The following BIN1 variants were observed in gnomAD, a reference collection of about 807,000 sequenced individuals.
BIN1 encodes the protein myc box-dependent-interacting protein 1.
A neutral mutation model predicts 82.0 loss-of-function variants in BIN1; 53 were observed. The observed-to-expected ratio is 0.65, with a 90% CI of 0.52 to 0.81. The LOEUF is 0.81. Among genes scored for constraint, BIN1 ranks in the 40% least tolerant of loss-of-function variants. The pLI is 0.00. For missense variants in BIN1, 642 were observed against 784.4 expected, an observed-to-expected ratio of 0.82 and a Z score of 2.17; for synonymous variants, 302 against 328.0, an observed-to-expected ratio of 0.92 and a Z score of 0.86.
At chr2:127,053,466 GAGA>G in intron 13 of BIN1, 21 bp from the exon 14 acceptor site, 3 of 1,613,020 alleles carry the variant, frequency 1.9e-6, no homozygotes, top group Non-Finnish European at 2.5e-6. Context: ...CAGTGAGGGC[GAGA>G]AGGACAGTTA....
chr2:127,107,092 G>C lies in BIN1; in HGVS notation c.-149C>G, dbSNP rs912635441. On this transcript the variant is annotated 5_prime_UTR_variant, in exon 1 of 19. Transcript: ENST00000316724. The surrounding 1 kb of genome is among the most constrained non-coding windows in gnomAD (Gnocchi z 5.9). ...GACAGCGGAGCCAACTGACGGAGGCGGAGCGTGCGCCGGACGGGCGAGCGA... is the reference window on the plus strand; with the variant it reads ...GACAGCGGAGCCAACTGACGGAGGCCGAGCGTGCGCCGGACGGGCGAGCGA... 5 of 837,400 alleles carry C rather than the reference G, an allele frequency of 6.0e-6. No individual in the cohort carries two copies. In the East Asian group the frequency reaches 1.8e-4, roughly 30 times the overall value. 51.9% of individuals were successfully genotyped at this position (837,400 alleles called of 1,614,324 possible).
intron 1 of BIN1, among the ~76,000 whole-genome samples, chr2:127,083,211 G>A (rs951848781): frequency 1.3e-5 from 2 of 151,332 alleles, no homozygotes; most frequent in East Asian, 1.9e-4. Context: ...TCAGCGTCCC[G>A]AGTAGCTGGG....
At chr2:127,077,654 G>A (rs1163436823) in intron 1 of BIN1, among the ~76,000 whole-genome samples, 6 of 152,310 alleles carry the variant, frequency 3.9e-5, no homozygotes, top group South Asian at 2.1e-4. Flanking sequence ...GGCAAGGAGC[G>A]GTGGTGGGGC....
intron 18 of BIN1, 39 bp downstream of exon 18, chr2:127,050,382 T>C: frequency 1.2e-6 from 2 of 1,605,750 alleles, no homozygotes; most frequent in African/African-American, 1.3e-5. Context: ...AGGATGCCTG[T>C]GGTCCCCCTG....
chr2:127,106,733 C>T, intron 1 of BIN1, 127 bp downstream of exon 1: 3 of 1,229,544 alleles, frequency 2.4e-6, no homozygotes, highest in South Asian at 2.9e-5. Context: ...CGAAAGCGCT[C>T]CTCTAGAGGT....
chr2:127,057,913 C>A lies in BIN1; in HGVS notation c.1003-312G>T, dbSNP rs143611564. 6.6e-3 allele frequency among the ~76,000 whole-genome samples: 1,007 copies of A among 152,234 alleles called. 6 individuals carry two copies. Among genetic ancestry groups the A allele is most frequent in the Non-Finnish European group, 0.011 (774 of 68,008 alleles). ...GAAGAAGAGAAGAGGCCCCAGGCTGCCCACTGGCCAACTGTGGGAGGGGCT... is the reference window on the plus strand; with the variant it reads ...GAAGAAGAGAAGAGGCCCCAGGCTGACCACTGGCCAACTGTGGGAGGGGCT... On this transcript the variant is annotated intron_variant, in intron 11 of 18. Transcript: ENST00000316724. The surrounding 1 kb of genome is among the most constrained non-coding windows in gnomAD (Gnocchi z 5.0).
intron 11 of BIN1, 29 bp downstream of exon 11, chr2:127,058,982 G>A (rs1684073872): frequency 2.6e-6 from 4 of 1,552,940 alleles, no homozygotes; most frequent in South Asian, 1.2e-5. Flanking sequence ...GGGAGGGCAG[G>A]GGACCTGCTA....
At position 127,050,643 on chromosome 2, in the gene BIN1, G is replaced by A. The variant is rs553500292; in HGVS notation, c.1573-121C>T. The A allele has an allele frequency of 2.4e-5, 33 of 1,354,272 alleles. No homozygotes were observed. In the African/African-American group the frequency reaches 3.5e-4, roughly 14 times the overall value. The allele number at this position is 1,354,272 out of a possible 1,614,324, so 83.9% of individuals were successfully genotyped here. A position where few individuals can be genotyped will look rare whatever the true frequency, so the allele number is the denominator to read the frequency against. On this transcript the variant is annotated intron_variant, in intron 17 of 18. Coordinates refer to ENST00000316724, the MANE Select transcript of BIN1 (RefSeq NM_139343.3). ...TGGAGACCAGGAGTGCTCAAAAGCA[G>A]CAGGACAGTATGGGGCTCAGATGCC...
At chr2:127,053,845 A>T in intron 13 of BIN1, 60 bp downstream of exon 13, 1 of 1,496,360 alleles carries the variant, frequency 6.7e-7, no homozygotes, top group Non-Finnish European at 9.1e-7. Flanking sequence ...AGGCAACATG[A>T]GCCCAGGGTT....
At chr2:127,076,600 T>C in intron 2 of BIN1, 26 bp downstream of exon 2, 1 of 1,613,882 alleles carries the variant, frequency 6.2e-7, no homozygotes, top group Non-Finnish European at 8.5e-7. Context: ...ACAAACTCCC[T>C]AAGGCCAAGG....
intron 1 of BIN1, among the ~76,000 whole-genome samples, chr2:127,080,174 AC>A (rs1218026346): frequency 2.0e-5 from 3 of 152,168 alleles, no homozygotes; most frequent in Admixed American, 6.5e-5. Flanking sequence ...TGGTGTGGCT[AC>A]CACAGGGAAA....
intron 1 of BIN1, among the ~76,000 whole-genome samples, chr2:127,103,564 C>A (rs755232509): frequency 2.3e-4 from 35 of 152,210 alleles, no homozygotes; most frequent in Non-Finnish European, 4.3e-4. Context: ...GAGCCTTCCT[C>A]CTGTGCTCAC....
At position 127,059,001 on chromosome 2, in the gene BIN1, T is replaced by C; in HGVS notation, c.1002+10A>G. ...GGGCAGGGGACCTGCTACCAAGACA[T>C]CACTCCTACCTGAGATGGGGACTTG... is the stretch of plus-strand genomic sequence containing the variant. On this transcript the variant is annotated intron_variant, in intron 11 of 18. Transcript: ENST00000316724. The surrounding 1 kb of genome is among the most constrained non-coding windows in gnomAD (Gnocchi z 6.7). 1 of 1,555,126 alleles carries C rather than the reference T, an allele frequency of 6.4e-7. No homozygotes were observed. The highest frequency in any genetic ancestry group is 2.0e-5 in the Admixed American group (1 of 51,136).
At position 127,069,979 on chromosome 2, in the gene BIN1, C is replaced by T; in HGVS notation, c.411+16G>A. 6.2e-7 allele frequency: 1 copy of T among 1,613,474 alleles called. No individual in the cohort carries two copies. On this transcript the variant is annotated intron_variant, in intron 5 of 18. Coordinates refer to ENST00000316724, the MANE Select transcript of BIN1 (RefSeq NM_139343.3). ...TCCAGGCCAGAGCAGGGCAGATCTG[C>T]AAGTGGGTCTCTCACCTTGATGTCG... is the stretch of plus-strand genomic sequence containing the variant.
chr2:127,094,405 T>G (rs903578863), intron 1 of BIN1, among the ~76,000 whole-genome samples: 1 of 152,178 alleles, frequency 6.6e-6, no homozygotes, highest in Non-Finnish European at 1.5e-5. Context: ...AGCCTCCCCC[T>G]TCAGGATTGA....
Position 127,069,069 on chromosome 2 carries a change from C to T in BIN1, c.412-38G>A, listed in dbSNP as rs768588741. ...GAGGAGGGCACTAAGCGGGGCCTGG[C>T]ACCCCTGCTGAGACTCCAGGTCCAG... On this transcript the variant is annotated intron_variant, in intron 5 of 18. Coordinates refer to ENST00000316724, the MANE Select transcript of BIN1 (RefSeq NM_139343.3). The T allele has an allele frequency of 1.9e-6, 3 of 1,593,300 alleles. No individual in the cohort carries two copies. The Admixed American group carries it at 5.0e-5, about 27-fold the overall frequency.
chr2:127,084,981 C>T (rs74915682), intron 1 of BIN1, among the ~76,000 whole-genome samples: 3 of 152,190 alleles, frequency 2.0e-5, no homozygotes, highest in African/African-American at 7.2e-5. Context: ...CAGTGCTTAA[C>T]CCAGAAGCTA....
rs1335240555 is a variant in BIN1 at position 127,093,892 on chromosome 2, C to T, written c.84+12968G>A. On this transcript the variant is annotated intron_variant, in intron 1 of 18. Coordinates refer to ENST00000316724, the MANE Select transcript of BIN1 (RefSeq NM_139343.3). The surrounding 1 kb of genome is among the most constrained non-coding windows in gnomAD (Gnocchi z 5.7). Reference sequence around the variant, plus strand: ...TGGATCCTGAGCTAGGCCTGGACTCCCTGGACTCCTCCAGTGCTGGGGGCC... The same window carrying T: ...TGGATCCTGAGCTAGGCCTGGACTCTCTGGACTCCTCCAGTGCTGGGGGCC... Among the ~76,000 whole-genome samples, 1 of 152,202 alleles carries T rather than the reference C, an allele frequency of 6.6e-6. No individual in the cohort carries two copies. The highest frequency in any genetic ancestry group is 1.5e-5 in the Non-Finnish European group (1 of 68,042).
chr2:127,083,979 G>A (rs923038769), intron 1 of BIN1, among the ~76,000 whole-genome samples: 12 of 152,232 alleles, frequency 7.9e-5, no homozygotes, highest in African/African-American at 2.9e-4. Context: ...TCTTGGAAAG[G>A]AAGGTCACTT....
Sources: allele counts gnomAD v4.1 joint callset (sites outside exome capture counted in the v4.1 genomes callset), GRCh38; gene constraint gnomAD v4.1.1; non-coding constraint Gnocchi (gnomAD v3.1); transcripts MANE v1.5; gene names NCBI Gene and HGNC (gene_info 2026-07-23, HGNC 2026-07-21).